The following GPHN variants were observed in gnomAD, a reference collection of about 807,000 sequenced individuals.
GPHN encodes the protein gephyrin.
GPHN carries 17 observed loss-of-function variants against 95.5 expected under a neutral mutation model. The ratio of observed to expected loss-of-function variants is 0.18; its 90% CI spans 0.12 to 0.27. GPHN has a LOEUF of 0.27. GPHN is among the 10% of genes least tolerant of loss of function. The pLI, the probability that GPHN is intolerant of heterozygous loss-of-function variation, is 1.00. For missense variants in GPHN, 660 were observed against 978.1 expected (o/e 0.67, Z 4.34); for synonymous variants, 320 against 322.5 (o/e 0.99, Z 0.08).
intron 2 of GPHN, among the ~76,000 whole-genome samples, chr14:66,734,903 C>A (rs1053143977): frequency 6.6e-6 from 1 of 152,122 alleles, no homozygotes; most frequent in African/African-American, 2.4e-5. Flanking sequence ...GTTGTTAATT[C>A]AGTTCAACAG....
At chr14:67,343,453 A>G in the GPHN span, 1 of 1,546,766 alleles carries the variant, frequency 6.5e-7, no homozygotes, top group Non-Finnish European at 8.9e-7. Context: ...AATAAGAACA[A>G]ATTAATAATG....
the GPHN span, among the ~76,000 whole-genome samples, chr14:67,610,531 G>GCATTACATGAC: frequency 6.6e-6 from 1 of 152,140 alleles, no homozygotes; most frequent in Non-Finnish European, 1.5e-5. Context: ...GTTGCTTACT[G>GCATTACATGAC]CCCCAAAGTC....
chr14:67,192,248 A>T, the GPHN span, among the ~76,000 whole-genome samples: 7 of 152,342 alleles, frequency 4.6e-5, no homozygotes, highest in East Asian at 1.3e-3. Context: ...CACAATCGTG[A>T]TAGAATAACT....
intron 9 of GPHN, among the ~76,000 whole-genome samples, chr14:66,987,898 G>GTTTTCAA (rs2071134128): frequency 3.3e-5 from 5 of 152,096 alleles, no homozygotes; most frequent in Non-Finnish European, 7.4e-5. Context: ...AAGAGAACAA[G>GTTTTCAA]TTGCTTTTTC....
At chr14:66,630,742 G>T (rs2063763225) in intron 1 of GPHN, among the ~76,000 whole-genome samples, 1 of 152,186 alleles carries the variant, frequency 6.6e-6, no homozygotes, top group South Asian at 2.1e-4. Flanking sequence ...AAAGTGCTGA[G>T]ATTACAGGCG....
intron 4 of GPHN, among the ~76,000 whole-genome samples, chr14:66,859,959 G>T (rs2062959343): frequency 6.6e-6 from 1 of 151,912 alleles, no homozygotes; most frequent in Non-Finnish European, 1.5e-5. Context: ...AAAGGATGAG[G>T]TATGCCTACA....
chr14:67,647,797 A>C, the GPHN span: 1 of 475,538 alleles, frequency 2.1e-6, no homozygotes, highest in Non-Finnish European at 3.8e-6. Flanking sequence ...AGAAATATAC[A>C]TTGGAGTTAG....
chr14:67,346,226 C>T, the GPHN span, among the ~76,000 whole-genome samples: 2,514 of 152,260 alleles, frequency 0.017, 32 homozygotes, highest in Middle Eastern at 0.095. Flanking sequence ...TCTACTTCTT[C>T]GTATGAAATG....
At chr14:66,735,062 A>G (rs541755060) in intron 2 of GPHN, among the ~76,000 whole-genome samples, 7 of 152,312 alleles carry the variant, frequency 4.6e-5, no homozygotes, top group Admixed American at 4.6e-4. Flanking sequence ...AGTGAAATGC[A>G]TTATTAAAAT....
At chr14:67,365,752 A>G in the GPHN span, among the ~76,000 whole-genome samples, 1 of 152,232 alleles carries the variant, frequency 6.6e-6, no homozygotes. Flanking sequence ...GAAAGGCTTC[A>G]TATCAGTCAC....
intron 18 of GPHN, among the ~76,000 whole-genome samples, chr14:67,155,972 GA>G (rs2081557801): frequency 6.6e-6 from 1 of 152,090 alleles, no homozygotes; most frequent in Admixed American, 6.6e-5. Flanking sequence ...TAAAATGCAG[GA>G]AAAAAATACT....
chr14:66,601,999 A>G (rs939431083), intron 1 of GPHN, among the ~76,000 whole-genome samples: 1 of 151,966 alleles, frequency 6.6e-6, no homozygotes, highest in African/African-American at 2.4e-5. Flanking sequence ...GGGCTGATTT[A>G]TCATAGGTGG....
chr14:67,600,100 C>G, the GPHN span: 12 of 1,596,316 alleles, frequency 7.5e-6, no homozygotes, highest in African/African-American at 1.2e-4. Context: ...CAGCGAGAGC[C>G]GAGGGCAGCT....
At chr14:66,553,679 C>G (rs775005453) in intron 1 of GPHN, among the ~76,000 whole-genome samples, 5 of 152,100 alleles carry the variant, frequency 3.3e-5, no homozygotes. Flanking sequence ...CGGGTTCAAG[C>G]AATTCTCCTG....
At chr14:67,441,953 A>G in the GPHN span, 2 of 153,578 alleles carry the variant, frequency 1.3e-5, no homozygotes, top group South Asian at 2.0e-4. Flanking sequence ...TCTCCTTCCT[A>G]TTGGTTCTGT....
At chr14:67,078,785 C>T (rs1220524882) in intron 11 of GPHN, among the ~76,000 whole-genome samples, 1 of 152,074 alleles carries the variant, frequency 6.6e-6, no homozygotes, top group African/African-American at 2.4e-5. Context: ...GCATTTATTC[C>T]TTCAAGATTC....
chr14:67,009,701 A>C (rs1312914098), intron 9 of GPHN, among the ~76,000 whole-genome samples: 4 of 152,086 alleles, frequency 2.6e-5, no homozygotes, highest in African/African-American at 9.7e-5. Flanking sequence ...ATTATACTAA[A>C]AGGTTTGAAT....
chr14:67,315,457 T>C, the GPHN span, among the ~76,000 whole-genome samples: 1 of 151,968 alleles, frequency 6.6e-6, no homozygotes, highest in Non-Finnish European at 1.5e-5. Context: ...TTTGTATTTT[T>C]AGTAGAGATG....
At chr14:66,834,267 C>G (rs1050706094) in intron 4 of GPHN, among the ~76,000 whole-genome samples, 1 of 151,910 alleles carries the variant, frequency 6.6e-6, no homozygotes, top group South Asian at 2.1e-4. Flanking sequence ...ACAGACTTAC[C>G]CAAAACATAC....
Sources: gnomAD v4.1 joint callset for allele counts (sites outside exome capture counted in the v4.1 genomes callset) on GRCh38, gnomAD v4.1.1 for gene constraint, MANE v1.5 for transcripts, NCBI Gene and HGNC (gene_info 2026-07-23, HGNC 2026-07-21) for gene names.